The following FMO2 variants were observed in gnomAD, a reference collection of about 807,000 sequenced individuals.
The protein encoded by FMO2 is flavin-containing monooxygenase 2.
A neutral mutation model predicts 41.6 loss-of-function variants in FMO2; 33 were observed. That is an observed-to-expected ratio of 0.79 (90% CI 0.60 to 1.06). The LOEUF is 1.06. Among genes scored for constraint, FMO2 ranks in the 50% least tolerant of loss-of-function variants. The pLI is 0.00. For synonymous variants in FMO2, 214 were observed against 219.6 expected (o/e 0.97, Z 0.23); for missense variants, 619 against 632.9 (o/e 0.98, Z 0.23).
intron 5 of FMO2, among the ~76,000 whole-genome samples, chr1:171,201,053 C>T (rs1379204879): frequency 1.3e-5 from 2 of 152,182 alleles, no homozygotes; most frequent in African/African-American, 2.4e-5. Context: ...TCTTGCCCTA[C>T]AGGAAGACTT....
At chr1:171,189,533 A>G (rs906808478) in intron 2 of FMO2, among the ~76,000 whole-genome samples, 3 of 152,208 alleles carry the variant, frequency 2.0e-5, no homozygotes, top group African/African-American at 7.2e-5. Flanking sequence ...GGGAGACACC[A>G]GCCTAATGAA....
At position 171,186,122 on chromosome 1, in the gene FMO2, C is replaced by T. The variant is rs28369800; in HGVS notation, c.132+277C>T. On this transcript the variant is annotated intron_variant, in intron 2 of 8. Transcript: ENST00000209929. ...CCCATACTTCTGTCATTCTTTAATA[C>T]GCTAATATTAGAGAACATTTTACAA... 4.4e-3 allele frequency: 1,039 copies of T among 233,608 alleles called. 15 individuals carry two copies. The highest frequency in any genetic ancestry group is 0.016 in the African/African-American group (696 of 44,606). 14.5% of individuals were successfully genotyped at this position (233,608 alleles called of 1,614,324 possible).
chr1:171,197,509 C>T (rs936817150), intron 4 of FMO2, among the ~76,000 whole-genome samples: 3 of 152,152 alleles, frequency 2.0e-5, no homozygotes, highest in East Asian at 1.9e-4. Flanking sequence ...CAATTGTTCT[C>T]AAATAGAGTC....
intron 4 of FMO2, 121 bp from the exon 5 acceptor site, chr1:171,199,225 A>G: frequency 1.0e-6 from 1 of 978,336 alleles, no homozygotes; most frequent in South Asian, 1.8e-5. Flanking sequence ...TTACTCCTAT[A>G]GAGAAGAGGC....
intron 5 of FMO2, among the ~76,000 whole-genome samples, chr1:171,200,966 AC>A (rs1400010067): frequency 2.0e-5 from 3 of 152,186 alleles, no homozygotes; most frequent in Non-Finnish European, 2.9e-5. Context: ...ACGTTGTCAG[AC>A]CAGTGATTTG....
At chr1:171,207,103 T>C (rs2102015284) in intron 7 of FMO2, among the ~76,000 whole-genome samples, 1 of 152,228 alleles carries the variant, frequency 6.6e-6, no homozygotes, top group East Asian at 1.9e-4. Context: ...ACATGAGATG[T>C]CTGATGACTC....
chr1:171,199,224 T>C, intron 4 of FMO2, 122 bp from the exon 5 acceptor site: 2 of 974,308 alleles, frequency 2.1e-6, no homozygotes, highest in Middle Eastern at 2.3e-4. Flanking sequence ...TTTACTCCTA[T>C]AGAGAAGAGG....
chr1:171,199,551 A>G (rs1571283761), intron 5 of FMO2, 63 bp downstream of exon 5: 6 of 1,472,152 alleles, frequency 4.1e-6, no homozygotes. Flanking sequence ...ATACTGGAGA[A>G]CCCCAGCCAT....
At chr1:171,207,625 C>G (rs1337482739) in intron 7 of FMO2, 93 bp from the exon 8 acceptor site, 2 of 903,296 alleles carry the variant, frequency 2.2e-6, no homozygotes, top group Non-Finnish European at 3.6e-6. Flanking sequence ...TGACATGGTT[C>G]AATGTCCAGA....
intron 1 of FMO2, 51 bp from the exon 2 acceptor site, chr1:171,185,657 T>G: frequency 6.3e-7 from 1 of 1,596,954 alleles, no homozygotes; most frequent in Non-Finnish European, 8.6e-7. Flanking sequence ...ATAAGGATTC[T>G]CTTACCGGTT....
At chr1:171,203,358 C>CAA (rs1553239450) in intron 5 of FMO2, among the ~76,000 whole-genome samples, 2 of 148,868 alleles carry the variant, frequency 1.3e-5, no homozygotes, top group African/African-American at 4.9e-5. Flanking sequence ...CACACACACA[C>CAA]AAAATAAAGT....
chr1:171,201,298 G>GTGT (rs1490506382), intron 5 of FMO2, among the ~76,000 whole-genome samples: 1 of 151,998 alleles, frequency 6.6e-6, no homozygotes, highest in African/African-American at 2.4e-5. Flanking sequence ...CTACATAATA[G>GTGT]ATTCCTCCTA....
intron 2 of FMO2, among the ~76,000 whole-genome samples, chr1:171,188,011 C>T (rs1013466756): frequency 6.9e-6 from 1 of 145,108 alleles, no homozygotes; most frequent in African/African-American, 2.5e-5. Flanking sequence ...TCTAGGTTCA[C>T]ATGTAGATTT....
chr1:171,197,190 G>A (rs2101994488), intron 4 of FMO2, among the ~76,000 whole-genome samples: 1 of 152,274 alleles, frequency 6.6e-6, no homozygotes, highest in Non-Finnish European at 1.5e-5. Context: ...AGAGCTCCTA[G>A]AAAGAAATGC....
intron 8 of FMO2, 70 bp from the exon 9 acceptor site, chr1:171,208,724 T>G: frequency 6.9e-7 from 1 of 1,446,154 alleles, no homozygotes; most frequent in South Asian, 1.2e-5. Context: ...CTTTAGCAGT[T>G]TTGAATGCCT....
At chr1:171,196,326 G>A (rs1165150117) in intron 3 of FMO2, among the ~76,000 whole-genome samples, 2 of 152,202 alleles carry the variant, frequency 1.3e-5, no homozygotes, top group Non-Finnish European at 2.9e-5. Flanking sequence ...TTTTGTGTAA[G>A]ATTATGATGG....
At chr1:171,189,506 T>C (rs1657987055) in intron 2 of FMO2, among the ~76,000 whole-genome samples, 1 of 152,058 alleles carries the variant, frequency 6.6e-6, no homozygotes, top group African/African-American at 2.4e-5. Flanking sequence ...CTATCAGTGA[T>C]CAAGGCCAGT....
intron 2 of FMO2, among the ~76,000 whole-genome samples, chr1:171,191,894 C>A (rs938197972): frequency 4.1e-5 from 6 of 146,646 alleles, no homozygotes; most frequent in Non-Finnish European, 9.0e-5. Flanking sequence ...AAAAAATTAG[C>A]CGGTGTAGTG....
Position 171,208,954 on chromosome 1 carries a change from T to A in FMO2, c.1417T>A (p.Tyr473Asn). The A allele has an allele frequency of 6.2e-7, 1 of 1,613,232 alleles. No individual in the cohort carries two copies. Among genetic ancestry groups the A allele is most frequent in the Non-Finnish European group, 8.5e-7 (1 of 1,179,570 alleles). The part of the protein sequence containing the change: ...LYFGPCNSYQ[Y>N]RLVGPGQWEG... Reference sequence around the variant, plus strand: ...TTTCGGACCCTGCAACTCCTATCAGTATCGCCTGGTTGGGCCTGGGCAATG... The same window carrying A: ...TTTCGGACCCTGCAACTCCTATCAGAATCGCCTGGTTGGGCCTGGGCAATG... Residue 473 changes from tyrosine (Y) to asparagine (N), a missense_variant, in exon 9 of 9, where the codon TAT (tyrosine) becomes AAT (asparagine). Coordinates refer to ENST00000209929, the MANE Select transcript of FMO2 (RefSeq NM_001460.5).
Sources: allele counts gnomAD v4.1 joint callset (sites outside exome capture counted in the v4.1 genomes callset), GRCh38; gene constraint gnomAD v4.1.1; transcripts MANE v1.5; gene names NCBI Gene and HGNC (gene_info 2026-07-23, HGNC 2026-07-21).